ZKSCAN7: variants seen among roughly 807,000 people sequenced by gnomAD.
ZKSCAN7 encodes the protein zinc finger with KRAB and SCAN domains 7.
ZKSCAN7 carries 38 observed loss-of-function variants against 65.3 expected under a neutral mutation model. That is an observed-to-expected ratio of 0.58 (90% CI 0.45 to 0.76). The LOEUF (loss-of-function observed/expected upper bound fraction) is 0.76, where lower values mean the gene tolerates loss of function less well. Ranked by LOEUF, ZKSCAN7 falls within the 30% of genes least tolerant of loss-of-function variation. The pLI, the probability that ZKSCAN7 is intolerant of heterozygous loss-of-function variation, is 0.00. For missense variants in ZKSCAN7, 815 were observed against 913.3 expected (o/e 0.89, Z 1.39); for synonymous variants, 321 against 321.0 (o/e 1.00, Z 0.00).
chr3:44,559,025 C>T (rs1699384331), intron 2 of ZKSCAN7, among the ~76,000 whole-genome samples: 1 of 152,008 alleles, frequency 6.6e-6, no homozygotes, highest in African/African-American at 2.4e-5. Context: ...GATATTCTTG[C>T]CTTGGCCTCC....
downstream of ZKSCAN7, among the ~76,000 whole-genome samples, chr3:44,577,090 A>C (rs1269172640): frequency 6.6e-6 from 1 of 151,968 alleles, no homozygotes; most frequent in East Asian, 1.9e-4. Flanking sequence ...CAGCCTCCTG[A>C]GTAGTTAGGA....
chr3:44,578,082 C>T (rs1376625586), intron 5 of ZKSCAN7: 1 of 1,585,610 alleles, frequency 6.3e-7, no homozygotes, highest in South Asian at 1.1e-5. Flanking sequence ...TATATCATAT[C>T]CGGACACCAT....
At chr3:44,568,461 A>G in intron 5 of ZKSCAN7, 28 bp downstream of exon 5, 3 of 1,606,754 alleles carry the variant, frequency 1.9e-6, no homozygotes, top group African/African-American at 1.3e-5. Context: ...TAGTCACTTA[A>G]AGTCTGCATG....
chr3:44,567,305 T>C (rs913663772), intron 3 of ZKSCAN7, among the ~76,000 whole-genome samples: 4 of 151,972 alleles, frequency 2.6e-5, no homozygotes, highest in African/African-American at 9.7e-5. Flanking sequence ...AACCTTATGT[T>C]GTACATGCTG....
At position 44,578,405 on chromosome 3, in the gene ZKSCAN7, C is replaced by T. The variant is rs887739953; in HGVS notation, c.812-4567C>T. ...ACCGCCGTCCCCAGTCAGCAGCGTC[C>T]GCAACCGTGTGATCTCTGCAGCCAG... is the stretch of plus-strand genomic sequence containing the variant. On this transcript the variant is annotated intron_variant, in intron 5 of 5. Coordinates refer to the ZKSCAN7 transcript ENST00000341840. The T allele has an allele frequency of 3.3e-5, 53 of 1,613,912 alleles. No homozygotes were observed. In the African/African-American group the frequency reaches 3.7e-4, roughly 11 times the overall value.
At chr3:44,562,523 T>C (rs1699504448) in intron 2 of ZKSCAN7, among the ~76,000 whole-genome samples, 2 of 152,206 alleles carry the variant, frequency 1.3e-5, no homozygotes, top group African/African-American at 4.8e-5. Flanking sequence ...AGAAAACGGG[T>C]TTTTCTTTTC....
intron 2 of ZKSCAN7, among the ~76,000 whole-genome samples, chr3:44,563,593 A>T (rs181711905): frequency 6.6e-6 from 1 of 152,204 alleles, no homozygotes; most frequent in East Asian, 1.9e-4. Flanking sequence ...ACTTTTAAAC[A>T]ATCAGATTTC....
chr3:44,579,621 G>T (rs1481665074), intron 5 of ZKSCAN7, among the ~76,000 whole-genome samples: 3 of 152,264 alleles, frequency 2.0e-5, no homozygotes, highest in Admixed American at 6.5e-5. Context: ...ATCCAGTTCC[G>T]CCGAATCCCA....
chr3:44,579,908 C>T (rs1448320808), intron 5 of ZKSCAN7: 49 of 1,608,868 alleles, frequency 3.0e-5, no homozygotes, highest in Non-Finnish European at 4.0e-5. Context: ...CTCTGTGGAC[C>T]TCCTGTCCAG....
In ZKSCAN7 at chr3:44,580,187, C is replaced by G; in HGVS notation, c.812-2785C>G. On this transcript the variant is annotated intron_variant, in intron 5 of 5. Coordinates refer to the ZKSCAN7 transcript ENST00000341840. ...TGGGAGGGGAGAGCGGCGGGGGCAG[C>G]TGCTGTTCTTCGGCCTTCAAGTCGT... 9 of 1,610,726 alleles carry G rather than the reference C, an allele frequency of 5.6e-6. No individual in the cohort carries two copies. The South Asian group carries it at 9.9e-5, about 18-fold the overall frequency.
chr3:44,560,036 C>T (rs144842194), intron 2 of ZKSCAN7, among the ~76,000 whole-genome samples: 102 of 152,246 alleles, frequency 6.7e-4, no homozygotes, highest in Admixed American at 1.7e-3. Context: ...TTAATGCTTC[C>T]TCCATTAAAA....
intron 2 of ZKSCAN7, among the ~76,000 whole-genome samples, chr3:44,557,937 C>T (rs759452860): frequency 5.3e-5 from 8 of 152,164 alleles, no homozygotes; most frequent in Non-Finnish European, 1.2e-4. Flanking sequence ...CTTTTGCTAG[C>T]TCTCCAAACC....
intron 2 of ZKSCAN7, among the ~76,000 whole-genome samples, chr3:44,564,282 C>A (rs1037354823): frequency 6.6e-6 from 1 of 152,138 alleles, no homozygotes; most frequent in African/African-American, 2.4e-5. Context: ...TGTGTCTGAT[C>A]TTATTTGGCT....
In ZKSCAN7 at chr3:44,568,368, C is replaced by T; in HGVS notation, c.746C>T (p.Thr249Ile). The T allele has an allele frequency of 6.2e-7, 1 of 1,614,158 alleles. No homozygotes were observed. Among genetic ancestry groups the T allele is most frequent in the Non-Finnish European group, 8.5e-7 (1 of 1,180,016 alleles). Residue 249 changes from threonine to isoleucine, a missense_variant, in exon 5 of 6, where the codon ACA becomes ATA. Thr to Ile is a moderately conservative substitution (Grantham distance 89, BLOSUM62 -1). Transcript: ENST00000426540. ...DYTQKKWKSL[T>I]LSQRALQWNM... ...ACTCAGAAGAAATGGAAAAGTCTCA[C>T]ACTCAGTCAGAGAGCCCTGCAGTGG...
chr3:44,570,643 T>C lies in ZKSCAN7; in HGVS notation c.1533T>C (p.Ala511=), dbSNP rs770218752. The change falls in exon 6 of 6, where the codon GCT becomes GCC. Residue 511 remains alanine, a synonymous_variant. Transcript: ENST00000426540. ...GEAFIRSKSL[A]RHQVLHTGKK... ...CATTCATTCGAAGCAAAAGTCTTGC[T>C]CGACATCAGGTCCTGCACACTGGTA... 7.4e-6 allele frequency: 12 copies of C among 1,614,008 alleles called. No homozygotes were observed. In the African/African-American group the frequency reaches 1.3e-4, roughly 18 times the overall value.
chr3:44,572,233 A>G, downstream of ZKSCAN7: 9 of 985,166 alleles, frequency 9.1e-6, no homozygotes, highest in Non-Finnish European at 1.1e-5. Flanking sequence ...GCTTCTAAAG[A>G]TGGAAGTCCA....
chr3:44,578,793 G>A (rs1034274072), intron 5 of ZKSCAN7, among the ~76,000 whole-genome samples: 2 of 152,160 alleles, frequency 1.3e-5, no homozygotes, highest in Non-Finnish European at 2.9e-5. Flanking sequence ...TCTAGCTCCC[G>A]CTGGTGCTGC....
rs770788709 is a variant in ZKSCAN7, at chr3:44,571,080, A to C, written c.1970A>C (p.His657Pro). 40 of 1,614,118 alleles carry C rather than the reference A, an allele frequency of 2.5e-5. No individual in the cohort carries two copies. The highest frequency in any genetic ancestry group is 3.1e-5 in the Non-Finnish European group (37 of 1,180,056). The change falls in exon 6 of 6, where the codon CAC becomes CCC. Residue 657 changes from histidine to proline, a missense_variant. His to Pro is a moderately conservative substitution (Grantham distance 77). Transcript: ENST00000426540. Reference protein sequence around the residue: ...NSHLIIHQRIHTGEKPYECNE... With the variant: ...NSHLIIHQRIPTGEKPYECNE... ...CACCTTATTATACACCAGAGAATTCACACTGGTGAGAAACCCTATGAATGT... is the reference window on the plus strand; with the variant it reads ...CACCTTATTATACACCAGAGAATTCCCACTGGTGAGAAACCCTATGAATGT...
chr3:44,578,126 C>G (rs531140749), intron 5 of ZKSCAN7: 266 of 1,537,622 alleles, frequency 1.7e-4, no homozygotes, highest in Non-Finnish European at 2.3e-4. Context: ...CCAGTGCTTC[C>G]GTTGCAGCCT....
Sources: gnomAD v4.1 joint callset for allele counts (sites outside exome capture counted in the v4.1 genomes callset) on GRCh38, gnomAD v4.1.1 for gene constraint, MANE v1.5 for transcripts, NCBI Gene and HGNC (gene_info 2026-07-23, HGNC 2026-07-21) for gene names.